Variants in KIF26A observed in about 807,000 individuals in gnomAD.
The protein encoded by KIF26A is kinesin family member 26A.
In KIF26A, 74 loss-of-function variants were observed where a neutral mutation model predicts 126.0. That is an observed-to-expected ratio of 0.59 (90% CI 0.49 to 0.71). KIF26A has a LOEUF of 0.71. KIF26A is among the 30% of genes least tolerant of loss of function. The pLI, the probability that KIF26A is intolerant of heterozygous loss-of-function variation, is 0.00. For synonymous variants in KIF26A, 1,445 were observed against 1,232.7 expected (o/e 1.17, Z -3.61); for missense variants, 2,984 against 2,763.3 (o/e 1.08, Z -1.79).
At position 104,180,777 on chromosome 14, in the gene KIF26A, G is replaced by C. The variant is rs1043682790; in HGVS notation, c.*987G>C. On this transcript the variant is annotated 3_prime_UTR_variant, in exon 15 of 15. Transcript: ENST00000423312. ...GCCAGCGTTTGCGACGTCCCCGCAC[G>C]ACAGGCTCATACTTTCTGAGGATCG... is the stretch of plus-strand genomic sequence containing the variant. 6.5e-6 allele frequency: 1 copy of C among 154,352 alleles called. No homozygotes were observed. Among genetic ancestry groups the C allele is most frequent in the Non-Finnish European group, 1.5e-5 (1 of 68,212 alleles). 9.6% of individuals were successfully genotyped at this position (154,352 alleles called of 1,614,324 possible).
intron 2 of KIF26A, among the ~76,000 whole-genome samples, chr14:104,139,490 G>A (rs867305884): frequency 6.6e-6 from 1 of 152,234 alleles, no homozygotes; most frequent in Non-Finnish European, 1.5e-5. Context: ...CAGCCCGAGG[G>A]GCCCTGCTGC....
rs1438336970 is a variant in KIF26A, at chr14:104,139,059, C to T, written c.59C>T (p.Pro20Leu). The T allele has an allele frequency of 2.2e-6, 3 of 1,376,342 alleles. No individual in the cohort carries two copies. Among genetic ancestry groups the T allele is most frequent in the African/African-American group, 1.5e-5 (1 of 65,234 alleles). The allele number at this position is 1,376,342 out of a possible 1,614,324, so 85.3% of individuals were successfully genotyped here. Residue 20 changes from proline to leucine, a missense_variant, in exon 2 of 15, where the codon CCG (proline) becomes CTG (leucine). Transcript: ENST00000423312. ...AAQPAVAEGG[P>L]AREPPPLLEV... ...ACCCTGCAGGTGGCCGAGGGCGGCCCGGCCCGCGAGCCGCCGCCGCTGCTG... is the reference window on the plus strand; with the variant it reads ...ACCCTGCAGGTGGCCGAGGGCGGCCTGGCCCGCGAGCCGCCGCCGCTGCTG...
chr14:104,176,716 G>A lies in KIF26A; in HGVS notation c.3928G>A (p.Ala1310Thr). Residue 1310 changes from alanine to threonine, a missense_variant, in exon 12 of 15, where the codon GCC (alanine) becomes ACC (threonine). Coordinates refer to ENST00000423312, the MANE Select transcript of KIF26A (RefSeq NM_015656.2). ...TCGGATCCCACCGCTGCGGAGGGGT[G>A]CCACCACGCTGGGTGTGACAACGCC... is the stretch of plus-strand genomic sequence containing the variant. ...VARIPPLRRG[A>T]TTLGVTTPAV... The A allele has an allele frequency of 6.3e-7, 1 of 1,585,042 alleles. No homozygotes were observed. The highest frequency in any genetic ancestry group is 1.3e-5 in the African/African-American group (1 of 74,642).
rs181735727 is a variant in KIF26A at position 104,180,817 on chromosome 14, C to T, written c.*1027C>T. 3.3e-3 allele frequency: 511 copies of T among 154,292 alleles called. 3 individuals are homozygous for T. Among genetic ancestry groups the T allele is most frequent in the Non-Finnish European group, 5.2e-3 (355 of 68,202 alleles). The allele number at this position is 154,292 out of a possible 1,614,324, so 9.6% of individuals were successfully genotyped here. On this transcript the variant is annotated 3_prime_UTR_variant, in exon 15 of 15. Coordinates refer to ENST00000423312, the MANE Select transcript of KIF26A (RefSeq NM_015656.2). Reference sequence around the variant, plus strand: ...TCTGAGGATCGTGCATAGCATAGGACGTCTGAACCTTTGTACAAATGTGTA... The same window carrying T: ...TCTGAGGATCGTGCATAGCATAGGATGTCTGAACCTTTGTACAAATGTGTA...
At position 104,173,444 on chromosome 14, in the gene KIF26A, C is replaced by A; in HGVS notation, c.1798C>A (p.Arg600Ser). 1 of 1,587,378 alleles carries A rather than the reference C, an allele frequency of 6.3e-7. No homozygotes were observed. ...AGCGGGCTGTGGCGAGGACGCCCGA[C>A]GCAGCTCCCACATGTTGTTCACGCT... is the stretch of plus-strand genomic sequence containing the variant. ...SRAGCGEDAR[R>S]SSHMLFTLHV... Residue 600 changes from arginine to serine, a missense_variant, in exon 9 of 15, where the codon CGC becomes AGC. Arg to Ser is a moderately radical substitution (Grantham distance 110). Coordinates refer to ENST00000423312, the MANE Select transcript of KIF26A (RefSeq NM_015656.2).
chr14:104,179,315 A>G lies in KIF26A; in HGVS notation c.5396A>G (p.Lys1799Arg), dbSNP rs1432295210. The change falls in exon 14 of 15, where the codon AAG becomes AGG. Residue 1799 changes from lysine (K) to arginine (R), a missense_variant. Transcript: ENST00000423312. ...QRLREVQAKH[K>R]HLCEELAETQ... Reference sequence around the variant, plus strand: ...CTGCGGGAGGTGCAGGCCAAGCACAAGCACCTGTGTGAGGAGCTGGCCGAG... The same window carrying G: ...CTGCGGGAGGTGCAGGCCAAGCACAGGCACCTGTGTGAGGAGCTGGCCGAG... The G allele has an allele frequency of 6.5e-7, 1 of 1,539,832 alleles. No homozygotes were observed. Among genetic ancestry groups the G allele is most frequent in the South Asian group, 1.2e-5 (1 of 83,672 alleles).
At position 104,157,895 on chromosome 14, in the gene KIF26A, G is replaced by C; in HGVS notation, c.876G>C (p.Ser292=). 1 of 1,567,232 alleles carries C rather than the reference G, an allele frequency of 6.4e-7. No homozygotes were observed. Among genetic ancestry groups the C allele is most frequent in the African/African-American group, 1.4e-5 (1 of 72,690 alleles). ...TSALVTPTPG[S]VGGSTGPSAA... ...CCCTGGTCACCCCCACCCCGGGCTCGGTGGGGGGCTCCACAGGCCCCTCAG... is the reference window on the plus strand; with the variant it reads ...CCCTGGTCACCCCCACCCCGGGCTCCGTGGGGGGCTCCACAGGCCCCTCAG... Residue 292 remains serine (S), a synonymous_variant, in exon 4 of 15, where the codon TCG becomes TCC. Coordinates refer to ENST00000423312, the MANE Select transcript of KIF26A (RefSeq NM_015656.2).
intron 3 of KIF26A, among the ~76,000 whole-genome samples, chr14:104,153,642 G>GAACCCCACCCTTGCCAA: frequency 6.6e-6 from 1 of 151,792 alleles, no homozygotes; most frequent in East Asian, 1.9e-4. Flanking sequence ...CCCCAGAGCT[G>GAACCCCACCCTTGCCAA]GGCATCCTGG....
chr14:104,179,105 C>A, intron 13 of KIF26A, 131 bp from the exon 14 acceptor site: 1 of 1,116,502 alleles, frequency 9.0e-7, no homozygotes, highest in Non-Finnish European at 1.2e-6. Flanking sequence ...GCCCCCTGCC[C>A]GCCCTTGGAG....
In KIF26A at chr14:104,148,541, C is replaced by T. The variant is rs553796272; in HGVS notation, c.289-3474C>T. 7.2e-5 allele frequency among the ~76,000 whole-genome samples: 11 copies of T among 151,818 alleles called. No individual in the cohort carries two copies. Among genetic ancestry groups the T allele is most frequent in the East Asian group, 2.0e-4 (1 of 5,124 alleles). ...TGGGCCAGAGGACCCCGTGAGCTGCCGGGATGGCTGGGAGAGGAGGCCTGG... is the reference window on the plus strand; with the variant it reads ...TGGGCCAGAGGACCCCGTGAGCTGCTGGGATGGCTGGGAGAGGAGGCCTGG... On this transcript the variant is annotated intron_variant, in intron 2 of 14. Coordinates refer to ENST00000423312, the MANE Select transcript of KIF26A (RefSeq NM_015656.2). This position sits in a 1 kb window ranked among gnomAD's most constrained non-coding sequence, Gnocchi z 4.3.
intron 12 of KIF26A, among the ~76,000 whole-genome samples, chr14:104,178,103 A>G (rs2038056156): frequency 6.6e-6 from 1 of 151,650 alleles, no homozygotes; most frequent in Admixed American, 6.6e-5. Flanking sequence ...CAGTTTATAA[A>G]CCCCCTGTAC....
intron 4 of KIF26A, among the ~76,000 whole-genome samples, chr14:104,160,793 G>T (rs561327688): frequency 1.3e-5 from 2 of 152,330 alleles, no homozygotes; most frequent in African/African-American, 4.8e-5. Flanking sequence ...CCTGCTCGCT[G>T]CCATGCTGGT....
rs530889099 is a variant in KIF26A, at chr14:104,176,388, A to C, written c.3600A>C (p.Ala1200=). Residue 1200 remains alanine, a synonymous_variant, in exon 12 of 15, where the codon GCA becomes GCC. Transcript: ENST00000423312. The stretch of plus-strand genomic sequence containing the variant: ...CCCAGGCCGGGCCCTCGCGGTGGGC[A>C]TCCGCAGCCCAGACCATCCACTCCA... The part of the protein sequence containing the change: ...REPQAGPSRW[A]SAAQTIHSSL... The C allele has an allele frequency of 6.3e-7, 1 of 1,587,690 alleles. No individual in the cohort carries two copies. Among genetic ancestry groups the C allele is most frequent in the South Asian group, 1.1e-5 (1 of 88,890 alleles).
At position 104,180,505 on chromosome 14, in the gene KIF26A, T is replaced by A. The variant is rs1207297164; in HGVS notation, c.*715T>A. ...AGACCACCACGACCAACAACAAAGA[T>A]GGGGGGTAGGGTTTTGTAAAGGTTC... On this transcript the variant is annotated 3_prime_UTR_variant, in exon 15 of 15. Coordinates refer to ENST00000423312, the MANE Select transcript of KIF26A (RefSeq NM_015656.2). 1 of 151,796 alleles carries A rather than the reference T, an allele frequency of 6.6e-6. No individual in the cohort carries two copies. Among genetic ancestry groups the A allele is most frequent in the African/African-American group, 2.4e-5 (1 of 41,310 alleles). 9.4% of individuals were successfully genotyped at this position (151,796 alleles called of 1,614,324 possible). A position where few individuals can be genotyped will look rare whatever the true frequency, so the allele number is the denominator to read the frequency against.
chr14:104,141,897 C>T (rs902856662), intron 2 of KIF26A, among the ~76,000 whole-genome samples: 1 of 152,210 alleles, frequency 6.6e-6, no homozygotes, highest in African/African-American at 2.4e-5. Flanking sequence ...GACATGGGAC[C>T]GTCTTTGTGC....
In KIF26A at chr14:104,177,256, GC is replaced by G; in HGVS notation, c.4473del (p.Lys1492SerfsTer12). ...GAGCGGCGCAGCCAAGGCTGTGGGG[GC>G]CCCCAAGCCCCCTGTTGGTGGAGGC... ...CRSGAAKAVGAPKPPVGGGKG... is the reference protein window; with the variant it reads ...CRSGAAKAVGXPKPPVGGGKG... On this transcript the variant is annotated frameshift_variant, in exon 12 of 15. Coordinates refer to ENST00000423312, the MANE Select transcript of KIF26A (RefSeq NM_015656.2). LOFTEE classifies it high-confidence loss of function. 1.3e-6 allele frequency: 2 copies of G among 1,594,732 alleles called. No individual in the cohort carries two copies. Among genetic ancestry groups the G allele is most frequent in the Non-Finnish European group, 8.5e-7 (1 of 1,174,244 alleles).
intron 4 of KIF26A, among the ~76,000 whole-genome samples, chr14:104,158,955 A>G (rs953238516): frequency 6.6e-6 from 1 of 152,226 alleles, no homozygotes; most frequent in African/African-American, 2.4e-5. Flanking sequence ...GGTGCTGATA[A>G]GCTTGAACAT....
In KIF26A at chr14:104,177,572, G is replaced by C; in HGVS notation, c.4784G>C (p.Gly1595Ala). 1 of 1,536,288 alleles carries C rather than the reference G, an allele frequency of 6.5e-7. No individual in the cohort carries two copies. Residue 1595 changes from glycine (G) to alanine (A), a missense_variant, in exon 12 of 15, where the codon GGC becomes GCC. Physicochemically the swap from Gly to Ala is moderately conservative, Grantham distance 60 (BLOSUM62 0). Coordinates refer to ENST00000423312, the MANE Select transcript of KIF26A (RefSeq NM_015656.2). Reference sequence around the variant, plus strand: ...GACTCAGACAGCGGCCATGACAGCGGCGTGAACGTGGGGGAGGAGCGGCCA... The same window carrying C: ...GACTCAGACAGCGGCCATGACAGCGCCGTGAACGTGGGGGAGGAGCGGCCA... ...SADSDSGHDSGVNVGEERPPT... is the reference protein window; with the variant it reads ...SADSDSGHDSAVNVGEERPPT...
At chr14:104,164,855 C>CT (rs888644285) in intron 4 of KIF26A, among the ~76,000 whole-genome samples, 2 of 151,162 alleles carry the variant, frequency 1.3e-5, no homozygotes, top group African/African-American at 4.9e-5. Context: ...GTGTGTGTCT[C>CT]TGAGTGTCTG....
Sources: allele counts gnomAD v4.1 joint callset (sites outside exome capture counted in the v4.1 genomes callset), GRCh38; gene constraint gnomAD v4.1.1; non-coding constraint Gnocchi (gnomAD v3.1); transcripts MANE v1.5; gene names NCBI Gene and HGNC (gene_info 2026-07-23, HGNC 2026-07-21).